Variants in TRAIP observed in about 807,000 individuals in gnomAD.
TRAIP encodes E3 ubiquitin-protein ligase TRAIP.
Under a neutral mutation model 65.0 loss-of-function variants are expected in TRAIP, and 37 were observed. The observed-to-expected ratio is 0.57, with a 90% CI of 0.44 to 0.75. The LOEUF (loss-of-function observed/expected upper bound fraction) is 0.75, where lower values mean the gene tolerates loss of function less well. TRAIP is among the 30% of genes least tolerant of loss of function. TRAIP has a pLI of 0.00. For missense variants in TRAIP, 481 were observed against 579.4 expected (o/e 0.83, Z 1.74); for synonymous variants, 187 against 219.1 (o/e 0.85, Z 1.29).
chr3:49,828,818 T>A lies in TRAIP; in HGVS notation c.*285A>T. ...CCGTGGTCTCCAGGCCCAGAAAGAG[T>A]CTGACCACATCTGATCATGGCTATA... On this transcript the variant is annotated 3_prime_UTR_variant, in exon 15 of 15. Transcript: ENST00000331456. The A allele has an allele frequency of 2.7e-6, 1 of 365,306 alleles. No individual in the cohort carries two copies. The highest frequency in any genetic ancestry group is 2.9e-5 in the South Asian group (1 of 34,126). The allele number at this position is 365,306 out of a possible 1,614,324, so 22.6% of individuals were successfully genotyped here.
chr3:49,853,506 G>C (rs2081950441), intron 1 of TRAIP, among the ~76,000 whole-genome samples: 1 of 152,116 alleles, frequency 6.6e-6, no homozygotes, highest in Non-Finnish European at 1.5e-5. Context: ...GTCACCAAAA[G>C]ACAGCTGAAG....
intron 1 of TRAIP, 47 bp from the exon 2 acceptor site, chr3:49,848,247 G>A: frequency 6.2e-7 from 1 of 1,601,754 alleles, no homozygotes; most frequent in Non-Finnish European, 8.5e-7. Context: ...TGGTTTGTCT[G>A]GGGACATAAG....
chr3:49,834,185 C>T (rs2081760877), intron 10 of TRAIP, among the ~76,000 whole-genome samples: 1 of 152,188 alleles, frequency 6.6e-6, no homozygotes, highest in African/African-American at 2.4e-5. Flanking sequence ...TGTCTCTAGC[C>T]TGGAGTTCAG....
intron 1 of TRAIP, among the ~76,000 whole-genome samples, chr3:49,855,847 C>A (rs927141018): frequency 6.6e-6 from 1 of 152,196 alleles, no homozygotes; most frequent in African/African-American, 2.4e-5. Context: ...CAGCAGGACC[C>A]CTGGATAGGG....
intron 8 of TRAIP, 129 bp from the exon 9 acceptor site, chr3:49,840,502 T>C (rs2081829703): frequency 2.7e-6 from 2 of 731,578 alleles, no homozygotes; most frequent in South Asian, 1.7e-5. Context: ...AGATCCCAGC[T>C]CTCTGAGGCT....
chr3:49,837,234 G>A (rs1048820641), intron 10 of TRAIP, among the ~76,000 whole-genome samples: 4 of 152,124 alleles, frequency 2.6e-5, no homozygotes, highest in Non-Finnish European at 2.9e-5. Flanking sequence ...GGGCAATGCC[G>A]TTGCTGAGGA....
At chr3:49,847,664 G>T in intron 2 of TRAIP, 56 bp from the exon 3 acceptor site, 1 of 1,290,234 alleles carries the variant, frequency 7.8e-7, no homozygotes, top group Non-Finnish European at 1.1e-6. Context: ...TGCGCAAGGA[G>T]GAGAGTGTTG....
chr3:49,844,073 C>G, intron 4 of TRAIP, 145 bp from the exon 5 acceptor site: 4 of 1,159,428 alleles, frequency 3.4e-6, no homozygotes, highest in Non-Finnish European at 4.8e-6. Context: ...CCGCTTCTTT[C>G]TCTGGGATGT....
chr3:49,833,253 GT>G (rs771190331), intron 10 of TRAIP, among the ~76,000 whole-genome samples: 1 of 152,146 alleles, frequency 6.6e-6, no homozygotes, highest in Non-Finnish European at 1.5e-5. Flanking sequence ...GCTGGGTCCT[GT>G]AAATTTTACC....
At chr3:49,832,971 A>C (rs2081749422) in intron 10 of TRAIP, among the ~76,000 whole-genome samples, 1 of 152,132 alleles carries the variant, frequency 6.6e-6, no homozygotes, top group Non-Finnish European at 1.5e-5. Context: ...GTGGCTAAGC[A>C]ATCCAGGCAG....
chr3:49,841,191 T>G, intron 7 of TRAIP, 119 bp from the exon 8 acceptor site: 3 of 832,924 alleles, frequency 3.6e-6, no homozygotes, highest in South Asian at 3.0e-5. Context: ...ATTCCTACTT[T>G]GACACCTGAG....
intron 10 of TRAIP, 91 bp from the exon 11 acceptor site, chr3:49,832,159 A>C: frequency 4.4e-6 from 6 of 1,372,732 alleles, no homozygotes; most frequent in Non-Finnish European, 5.8e-6. Flanking sequence ...AGCTCCAGGG[A>C]CCTGGAGCCC....
rs2081709676 is a variant in TRAIP at position 49,829,202 on chromosome 3, T to C, written c.1311A>G (p.Pro437=). The C allele has an allele frequency of 3.7e-6, 6 of 1,613,964 alleles. No homozygotes were observed. Among genetic ancestry groups the C allele is most frequent in the South Asian group, 3.3e-5 (3 of 91,080 alleles). ...IQPTDTVMIR[P]LPVKPKTKVK... ...CCTTGGTCTTGGGCTTAACAGGCAA[T>C]GGGCGGATCATGACTGTGTCAGTCT... Residue 437 remains proline (P), a synonymous_variant, in exon 15 of 15, where the codon CCA becomes CCG. Transcript: ENST00000331456.
chr3:49,842,464 C>A lies in TRAIP; in HGVS notation c.492G>T (p.Lys164Asn). The change falls in exon 6 of 15, where the codon AAG (lysine) becomes AAT (asparagine). Residue 164 changes from lysine to asparagine, a missense_variant. By Grantham distance (94) the Lys-to-Asn change is moderately conservative (BLOSUM62 0). Coordinates refer to ENST00000331456, the MANE Select transcript of TRAIP (RefSeq NM_005879.3). ...EEARRLRSKM[K>N]TMEQIELLLQ... Reference sequence around the variant, plus strand: ...AGCTCCAAACTCACTGCTCCATGGTCTTCATCTTGCTCCTGAGCCGGCGGG... The same window carrying A: ...AGCTCCAAACTCACTGCTCCATGGTATTCATCTTGCTCCTGAGCCGGCGGG... 1.9e-6 allele frequency: 3 copies of A among 1,614,028 alleles called. No individual in the cohort carries two copies. The highest frequency in any genetic ancestry group is 2.2e-5 in the South Asian group (2 of 91,070).
At chr3:49,847,889 G>GA (rs1016437992) in intron 2 of TRAIP, among the ~76,000 whole-genome samples, 1 of 152,164 alleles carries the variant, frequency 6.6e-6, no homozygotes, top group African/African-American at 2.4e-5. Flanking sequence ...AGTCACTGAT[G>GA]AAAAGACAGG....
At position 49,840,989 on chromosome 3, in the gene TRAIP, C is replaced by T. The variant is rs1238792572; in HGVS notation, c.701G>A (p.Ser234Asn). ...KLRKDLFSSR[S>N]KLQTVYSELD... ...CTCTGTTCACTGCTAAGTTACCTTG[C>T]TTCTGGAGGAAAACAAATCCTTCCT... is the stretch of plus-strand genomic sequence containing the variant. The change falls in exon 8 of 15, where the codon AGC (serine) becomes AAC (asparagine). Residue 234 changes from serine (S) to asparagine (N), a missense_variant. Ser to Asn is a conservative substitution (Grantham distance 46). Coordinates refer to ENST00000331456, the MANE Select transcript of TRAIP (RefSeq NM_005879.3). The T allele has an allele frequency of 3.1e-6, 5 of 1,614,156 alleles. No homozygotes were observed. Among genetic ancestry groups the T allele is most frequent in the Non-Finnish European group, 4.2e-6 (5 of 1,179,984 alleles).
intron 10 of TRAIP, among the ~76,000 whole-genome samples, chr3:49,837,065 C>T (rs1218771420): frequency 6.7e-6 from 1 of 150,106 alleles, no homozygotes; most frequent in East Asian, 2.0e-4. Context: ...TCAAGTGATC[C>T]TCTCACCTCA....
rs77955232 is a variant in TRAIP, at chr3:49,832,700, C to CGGGGGGGGG, written c.885-641_885-633dup. ...TGAGTGTGTTTTTACTTTTATAACA[C>CGGGGGGGGG]GGGGGGGGGGGGGGGGTGGGGGGTG... On this transcript the variant is annotated intron_variant, in intron 10 of 14. Transcript: ENST00000331456. Among the ~76,000 whole-genome samples the CGGGGGGGGG allele has an allele frequency of 8.2e-4, 5 of 6,086 alleles. 1 individual carries two copies. Among genetic ancestry groups the CGGGGGGGGG allele is most frequent in the African/African-American group, 1.3e-3 (2 of 1,516 alleles). 4.0% of individuals were successfully genotyped at this position (6,086 alleles called of 152,430 possible). A position where few individuals can be genotyped will look rare whatever the true frequency, so the allele number is the denominator to read the frequency against.
chr3:49,844,150 A>G (rs1334838119), intron 4 of TRAIP: 2 of 612,328 alleles, frequency 3.3e-6, no homozygotes, highest in Non-Finnish European at 5.6e-6. Context: ...TGCTTGAACT[A>G]CTTAGGAAAA....
Sources: allele counts gnomAD v4.1 joint callset (sites outside exome capture counted in the v4.1 genomes callset), GRCh38; gene constraint gnomAD v4.1.1; transcripts MANE v1.5; gene names NCBI Gene and HGNC (gene_info 2026-07-23, HGNC 2026-07-21).